The following HOMER1 variants were observed in gnomAD, a reference collection of about 807,000 sequenced individuals.
The protein encoded by HOMER1 is homer scaffold protein 1, also known as homer protein homolog 1.
HOMER1 carries 3 observed loss-of-function variants against 48.9 expected under a neutral mutation model. The observed-to-expected ratio is 0.06, with a 90% confidence interval of 0.03 to 0.16. The LOEUF is 0.16. Ranked by LOEUF, HOMER1 falls within the 10% of genes least tolerant of loss-of-function variation. HOMER1 has a pLI of 1.00. For synonymous variants in HOMER1, 134 were observed against 146.4 expected (o/e 0.92, Z 0.61); for missense variants, 247 against 411.4 (o/e 0.60, Z 3.46).
intron 1 of HOMER1, among the ~76,000 whole-genome samples, chr5:79,499,028 G>T (rs1054773484): frequency 6.6e-6 from 1 of 151,952 alleles, no homozygotes; most frequent in Non-Finnish European, 1.5e-5. Flanking sequence ...TAGAGACGGG[G>T]TTTCACTATG....
rs182257932 is a variant in HOMER1, at chr5:79,449,692, C to G, written c.294+1298G>C. ...GTTTTGCCATGTTGACTAGGCCGGT[C>G]TTGAACTCCTGGCCTCAAATGATCT... On this transcript the variant is annotated intron_variant, in intron 3 of 8. Coordinates refer to ENST00000334082, the MANE Select transcript of HOMER1 (RefSeq NM_004272.5). Among the ~76,000 whole-genome samples the G allele has an allele frequency of 5.9e-5, 9 of 152,276 alleles. No individual in the cohort carries two copies. The East Asian group carries it at 1.7e-3, about 29-fold the overall frequency.
At chr5:79,451,556 C>CTTT (rs71615542) in intron 2 of HOMER1, among the ~76,000 whole-genome samples, 1,434 of 64,654 alleles carry the variant, frequency 0.022, 267 homozygotes, top group African/African-American at 0.066. Context: ...AAATATGACA[C>CTTT]TTTTTTTTTT....
At chr5:79,451,382 A>G (rs1036714552) in intron 2 of HOMER1, among the ~76,000 whole-genome samples, 3 of 152,142 alleles carry the variant, frequency 2.0e-5, no homozygotes, top group Admixed American at 2.0e-4. Context: ...AAAAAGTGTC[A>G]AAGAGTTTTT....
intron 3 of HOMER1, among the ~76,000 whole-genome samples, chr5:79,448,196 A>T (rs1232236518): frequency 3.3e-5 from 5 of 152,160 alleles, no homozygotes; most frequent in African/African-American, 9.7e-5. Flanking sequence ...ATACTTCTCC[A>T]ATTGAACAGA....
intron 1 of HOMER1, among the ~76,000 whole-genome samples, chr5:79,481,000 C>T (rs532357192): frequency 1.2e-4 from 18 of 152,232 alleles, no homozygotes; most frequent in African/African-American, 4.3e-4. Flanking sequence ...GCTTTATTTG[C>T]CCCATATAAA....
intron 5 of HOMER1, among the ~76,000 whole-genome samples, chr5:79,436,464 C>A (rs1317668356): frequency 6.6e-6 from 1 of 152,208 alleles, no homozygotes; most frequent in Non-Finnish European, 1.5e-5. Context: ...AACTATGTGA[C>A]TTACGCAACT....
At position 79,429,173 on chromosome 5, in the gene HOMER1, T is replaced by G. The variant is rs1346754223; in HGVS notation, c.527+9837A>C. On this transcript the variant is annotated intron_variant, in intron 5 of 8. Transcript: ENST00000334082. ...GAGTTCAAGACTGGCCTGGCCAACA[T>G]GGTGAAATCCCGTCTCTACTAAAAA... Among the ~76,000 whole-genome samples, 3 of 152,270 alleles carry G rather than the reference T, an allele frequency of 2.0e-5. No homozygotes were observed. The East Asian group carries it at 5.8e-4, about 29-fold the overall frequency.
chr5:79,511,553 A>G (rs1002724263), intron 1 of HOMER1, among the ~76,000 whole-genome samples: 5 of 152,244 alleles, frequency 3.3e-5, no homozygotes, highest in Non-Finnish European at 5.9e-5. Flanking sequence ...TAGCAGCGCT[A>G]GAAATAGAAT....
At chr5:79,413,180 A>G (rs1333147877) in intron 5 of HOMER1, among the ~76,000 whole-genome samples, 1 of 152,208 alleles carries the variant, frequency 6.6e-6, no homozygotes, top group Non-Finnish European at 1.5e-5. Context: ...CATTTATGCA[A>G]TCTGACTTTG....
At chr5:79,403,446 A>AG (rs1379871272) in intron 5 of HOMER1, among the ~76,000 whole-genome samples, 1 of 152,228 alleles carries the variant, frequency 6.6e-6, no homozygotes. Context: ...TGATGTACAG[A>AG]GAATGACACA....
chr5:79,510,088 A>G (rs1465972807), intron 1 of HOMER1, among the ~76,000 whole-genome samples: 1 of 152,148 alleles, frequency 6.6e-6, no homozygotes, highest in Non-Finnish European at 1.5e-5. Flanking sequence ...TGGAAACGTC[A>G]GCAAATGCCT....
intron 1 of HOMER1, among the ~76,000 whole-genome samples, chr5:79,508,612 A>G (rs1409274029): frequency 6.6e-6 from 1 of 152,114 alleles, no homozygotes; most frequent in Non-Finnish European, 1.5e-5. Flanking sequence ...GGTGTCAATC[A>G]CTGTTCTCTC....
chr5:79,422,025 G>A (rs1052206923), intron 5 of HOMER1, among the ~76,000 whole-genome samples: 5 of 152,182 alleles, frequency 3.3e-5, no homozygotes, highest in Admixed American at 1.3e-4. Context: ...TCAGGAGTTC[G>A]AGACCAGCCT....
chr5:79,377,345 G>A (rs1748802853), intron 8 of HOMER1, among the ~76,000 whole-genome samples: 1 of 152,222 alleles, frequency 6.6e-6, no homozygotes, highest in Middle Eastern at 3.4e-3. Context: ...CATAAATCAA[G>A]CTAATGATTT....
At chr5:79,434,192 C>T (rs1750508527) in intron 5 of HOMER1, among the ~76,000 whole-genome samples, 1 of 151,912 alleles carries the variant, frequency 6.6e-6, no homozygotes, top group African/African-American at 2.4e-5. Flanking sequence ...CTATATTGTA[C>T]CATATTTGAG....
chr5:79,494,028 T>G (rs1190260516), intron 1 of HOMER1, among the ~76,000 whole-genome samples: 1 of 152,222 alleles, frequency 6.6e-6, no homozygotes, highest in East Asian at 1.9e-4. Flanking sequence ...TCATTTGATG[T>G]TTCTGGTACA....
At chr5:79,427,142 T>G (rs1038138307) in intron 5 of HOMER1, among the ~76,000 whole-genome samples, 1 of 152,160 alleles carries the variant, frequency 6.6e-6, no homozygotes, top group Admixed American at 6.5e-5. Flanking sequence ...GGTAGAACAC[T>G]GTCTATGTAA....
intron 6 of HOMER1, among the ~76,000 whole-genome samples, chr5:79,399,501 A>C (rs945094503): frequency 4.6e-5 from 7 of 152,210 alleles, no homozygotes; most frequent in East Asian, 1.9e-4. Flanking sequence ...CTTTGCAGTG[A>C]AACTTTGGAA....
At chr5:79,444,228 A>G (rs1016198872) in intron 4 of HOMER1, among the ~76,000 whole-genome samples, 2 of 152,140 alleles carry the variant, frequency 1.3e-5, no homozygotes, top group African/African-American at 4.8e-5. Context: ...TAAAACAGAC[A>G]CATTAGATAT....
Sources: gnomAD v4.1 joint callset for allele counts (sites outside exome capture counted in the v4.1 genomes callset) on GRCh38, gnomAD v4.1.1 for gene constraint, MANE v1.5 for transcripts, NCBI Gene and HGNC (gene_info 2026-07-23, HGNC 2026-07-21) for gene names.